IL12RB1: variants seen among roughly 807,000 people sequenced by gnomAD.
IL12RB1 encodes the protein interleukin-12 receptor subunit beta-1.
In IL12RB1, 64 loss-of-function variants were observed where a neutral mutation model predicts 94.4. The ratio of observed to expected loss-of-function variants is 0.68; its 90% confidence interval spans 0.55 to 0.83. IL12RB1 has a LOEUF of 0.83. Ranked by LOEUF, IL12RB1 falls within the 40% of genes least tolerant of loss-of-function variation. The pLI, the probability that IL12RB1 is intolerant of heterozygous loss-of-function variation, is 0.00. For synonymous variants in IL12RB1, 362 were observed against 355.5 expected (o/e 1.02, Z -0.21); for missense variants, 814 against 855.6 (o/e 0.95, Z 0.61).
In IL12RB1 at chr19:18,080,929, C is replaced by T. The variant is rs779718501; in HGVS notation, c.312G>A (p.Gly104=). The T allele has an allele frequency of 6.8e-6, 11 of 1,613,966 alleles. No homozygotes were observed. The highest frequency in any genetic ancestry group is 6.8e-6 in the Non-Finnish European group (8 of 1,179,900). Reference sequence around the variant, plus strand: ...GTGTGACAGTGTACAGCACAGACACCCCAGCCTGGTCGGAGAACTGCAGCC... The same window carrying T: ...GTGTGACAGTGTACAGCACAGACACTCCAGCCTGGTCGGAGAACTGCAGCC... ...ATRLQFSDQA[G]VSVLYTVTLW... Residue 104 remains glycine (G), a synonymous_variant, in exon 4 of 17, where the codon GGG becomes GGA. Transcript: ENST00000593993.
intron 4 of IL12RB1, among the ~76,000 whole-genome samples, chr19:18,079,912 GA>G (rs576185345): frequency 3.4e-4 from 52 of 151,930 alleles, no homozygotes; most frequent in African/African-American, 1.2e-3. Flanking sequence ...AAAGAAAAAA[GA>G]AAAAAAGATT....
chr19:18,097,851 GGGCGGAA>G, intron 1 of IL12RB1: 1 of 1,228,772 alleles, frequency 8.1e-7, no homozygotes, highest in Non-Finnish European at 1.0e-6. Context: ...CTGCGCGGGC[GGGCGGAA>G]GGCAGAGGGC....
At chr19:18,081,026 T>C (rs370963936) in intron 3 of IL12RB1, 25 bp from the exon 4 acceptor site, 33 of 1,605,188 alleles carry the variant, frequency 2.1e-5, no homozygotes, top group South Asian at 1.5e-4. Flanking sequence ...AGGGTGTCAG[T>C]GCCGAGTCTG....
At chr19:18,084,963 T>C (rs1353619167) in intron 1 of IL12RB1, among the ~76,000 whole-genome samples, 5 of 152,328 alleles carry the variant, frequency 3.3e-5, no homozygotes, top group East Asian at 1.9e-4. Flanking sequence ...GGGAGAGGCC[T>C]GCCAGGGCTG....
chr19:18,077,769 G>A (rs2035594129), intron 4 of IL12RB1, 114 bp from the exon 5 acceptor site: 1 of 746,562 alleles, frequency 1.3e-6, no homozygotes, highest in Non-Finnish European at 2.5e-6. Flanking sequence ...ATGAATTAGG[G>A]GACACTTGCA....
intron 1 of IL12RB1, among the ~76,000 whole-genome samples, chr19:18,095,355 G>T (rs548748802): frequency 6.6e-6 from 1 of 152,090 alleles, no homozygotes; most frequent in Admixed American, 6.6e-5. Flanking sequence ...GTCATGAAAC[G>T]GAATGAAGTA....
At chr19:18,065,453 G>A (rs970513364) in intron 12 of IL12RB1, among the ~76,000 whole-genome samples, 1 of 152,094 alleles carries the variant, frequency 6.6e-6, no homozygotes, top group African/African-American at 2.4e-5. Flanking sequence ...AGTTCAGCTG[G>A]GTGCTCATGA....
At chr19:18,091,841 C>G (rs1295820200), upstream of IL12RB1, among the ~76,000 whole-genome samples, 1 of 151,364 alleles carries the variant, frequency 6.6e-6, no homozygotes. Context: ...GAGACACAGG[C>G]CAATGCCACC....
intron 1 of IL12RB1, among the ~76,000 whole-genome samples, chr19:18,093,160 C>T (rs957575654): frequency 6.6e-6 from 1 of 151,568 alleles, no homozygotes; most frequent in African/African-American, 2.4e-5. Flanking sequence ...CAAAGATTAG[C>T]CGGGTGTGGT....
At chr19:18,071,044 C>T (rs1229903251) in intron 9 of IL12RB1, 3 of 232,160 alleles carry the variant, frequency 1.3e-5, no homozygotes, top group Non-Finnish European at 2.6e-5. Flanking sequence ...TGAGACCAGC[C>T]TGGGCAACAT....
In IL12RB1 at chr19:18,077,500, TG is replaced by T. The variant is rs1429695524; in HGVS notation, c.549+15del. On this transcript the variant is annotated intron_variant, in intron 5 of 16. Transcript: ENST00000593993. ...GAGAGGCCCGTGTCCACCCTGGACT[TG>T]GGAAACAAACTCACCAACTTCCATG... 1 of 1,601,760 alleles carries T rather than the reference TG, an allele frequency of 6.2e-7. No homozygotes were observed. Among genetic ancestry groups the T allele is most frequent in the Non-Finnish European group, 8.5e-7 (1 of 1,172,612 alleles).
At chr19:18,077,424 C>A in intron 5 of IL12RB1, 92 bp downstream of exon 5, 1 of 976,540 alleles carries the variant, frequency 1.0e-6, no homozygotes. Context: ...TGGTTGGGAG[C>A]GGGGACAGAT....
chr19:18,086,694 C>A, intron 1 of IL12RB1, 66 bp downstream of exon 1: 1 of 1,507,880 alleles, frequency 6.6e-7, no homozygotes, highest in Non-Finnish European at 9.0e-7. Flanking sequence ...AGGCCCACAG[C>A]TCTCCACACA....
At chr19:18,074,470 G>A (rs1043237608) in intron 7 of IL12RB1, among the ~76,000 whole-genome samples, 1 of 152,154 alleles carries the variant, frequency 6.6e-6, no homozygotes, top group African/African-American at 2.4e-5. Context: ...GTAGTGGGCT[G>A]AGCGCAGTGG....
chr19:18,071,390 C>CT, intron 9 of IL12RB1: 5 of 946,296 alleles, frequency 5.3e-6, no homozygotes, highest in South Asian at 1.4e-5. Context: ...CAACTCTAGC[C>CT]TTTTTTCTTT....
intron 1 of IL12RB1, among the ~76,000 whole-genome samples, chr19:18,098,247 A>G (rs1003565133): frequency 6.6e-6 from 1 of 152,020 alleles, no homozygotes; most frequent in African/African-American, 2.4e-5. Context: ...ACCACTGTAC[A>G]CCCTCAGCTC....
intron 1 of IL12RB1, among the ~76,000 whole-genome samples, chr19:18,084,692 TCCATCC>T: frequency 6.9e-6 from 1 of 143,946 alleles, no homozygotes; most frequent in Non-Finnish European, 1.6e-5. Context: ...CATCCATCCA[TCCATCC>T]ATACATACAT....
intron 10 of IL12RB1, 39 bp from the exon 11 acceptor site, chr19:18,068,565 G>A (rs763936009): frequency 1.3e-6 from 2 of 1,583,944 alleles, no homozygotes; most frequent in South Asian, 2.2e-5. Context: ...TCAGTAGATT[G>A]TGTTCCCACC....
upstream of IL12RB1, among the ~76,000 whole-genome samples, chr19:18,088,198 C>G (rs751848968): frequency 3.3e-5 from 5 of 151,872 alleles, no homozygotes; most frequent in Non-Finnish European, 5.9e-5. Context: ...CCAGCCTGAC[C>G]AAAATGGTGA....
Sources: allele counts gnomAD v4.1 joint callset (sites outside exome capture counted in the v4.1 genomes callset), GRCh38; gene constraint gnomAD v4.1.1; transcripts MANE v1.5; gene names NCBI Gene and HGNC (gene_info 2026-07-23, HGNC 2026-07-21).